ANK3: variants seen among roughly 807,000 people sequenced by gnomAD.
ANK3 encodes the protein ankyrin 3, also known as ankyrin-3.
In ANK3, 57 loss-of-function variants were observed where a neutral mutation model predicts 370.9. The observed-to-expected ratio is 0.15, with a 90% CI of 0.12 to 0.19. The LOEUF (loss-of-function observed/expected upper bound fraction) is 0.19, where lower values mean the gene tolerates loss of function less well. Among genes scored for constraint, ANK3 ranks in the 10% least tolerant of loss-of-function variants. The pLI, the probability that ANK3 is intolerant of heterozygous loss-of-function variation, is 1.00. For synonymous variants in ANK3, 1,929 were observed against 1,946.3 expected, an observed-to-expected ratio of 0.99 and a Z score of 0.23; for missense variants, 4,439 against 5,302.1, an observed-to-expected ratio of 0.84 and a Z score of 5.06.
At chr10:60,525,777 T>C (rs1481460082) in intron 2 of ANK3, among the ~76,000 whole-genome samples, 1 of 152,112 alleles carries the variant, frequency 6.6e-6, no homozygotes, top group Non-Finnish European at 1.5e-5. Flanking sequence ...ACATTATTCG[T>C]GTTATTGTGG....
At chr10:60,488,865 G>A (rs1052753763) in intron 2 of ANK3, among the ~76,000 whole-genome samples, 1 of 152,166 alleles carries the variant, frequency 6.6e-6, no homozygotes, top group African/African-American at 2.4e-5. Flanking sequence ...ATATGTTACT[G>A]GAGGATGTTA....
At chr10:60,046,764 G>A (rs2077032468) in intron 42 of ANK3, among the ~76,000 whole-genome samples, 2 of 151,664 alleles carry the variant, frequency 1.3e-5, no homozygotes, top group South Asian at 4.2e-4. Flanking sequence ...TGTTACCTAA[G>A]AGAGAGCTCT....
chr10:60,446,233 C>A (rs1372960957), intron 2 of ANK3, among the ~76,000 whole-genome samples: 2 of 152,070 alleles, frequency 1.3e-5, no homozygotes, highest in Admixed American at 6.6e-5. Flanking sequence ...TGAAAGAAAA[C>A]CTTCCCAGGA....
Position 60,070,015 on chromosome 10 carries a change from C to T in ANK3, c.10866G>A (p.Arg3622=). Residue 3622 remains arginine (R), a synonymous_variant, in exon 37 of 44, where the codon AGG becomes AGA. Coordinates refer to ENST00000280772, the MANE Select transcript of ANK3 (RefSeq NM_020987.5). The surrounding 1 kb of genome is among the most constrained non-coding windows in gnomAD (Gnocchi z 5.7). The part of the protein sequence containing the change: ...TRSGAIDMSK[R]DFVEERLQFF... The stretch of plus-strand genomic sequence containing the variant: ...ATTGGAGCCTCTCTTCAACAAAATC[C>T]CTCTTGCTCATGTCAATTGCACCAC... The T allele has an allele frequency of 6.2e-7, 1 of 1,614,090 alleles. No individual in the cohort carries two copies. Among genetic ancestry groups the T allele is most frequent in the Non-Finnish European group, 8.5e-7 (1 of 1,179,998 alleles).
intron 2 of ANK3, among the ~76,000 whole-genome samples, chr10:60,505,174 CT>C (rs1455075529): frequency 6.6e-6 from 1 of 152,052 alleles, no homozygotes; most frequent in Non-Finnish European, 1.5e-5. Flanking sequence ...ATTGTCTCCA[CT>C]TTTGTGCGTG....
At chr10:60,532,849 G>T (rs1327181042) in intron 2 of ANK3, among the ~76,000 whole-genome samples, 1 of 152,032 alleles carries the variant, frequency 6.6e-6, no homozygotes, top group African/African-American at 2.4e-5. Context: ...TTTGAGCTGA[G>T]CAAGTTCTGC....
intron 2 of ANK3, among the ~76,000 whole-genome samples, chr10:60,412,719 T>C (rs954907239): frequency 6.6e-6 from 1 of 152,244 alleles, no homozygotes; most frequent in Non-Finnish European, 1.5e-5. Flanking sequence ...TAATTTTCAC[T>C]ATGGTAGCCC....
chr10:60,053,595 C>G, intron 42 of ANK3: 1 of 1,125,258 alleles, frequency 8.9e-7, no homozygotes, highest in African/African-American at 1.6e-5. Context: ...AAGGGGAAAA[C>G]AAGGAAACCA....
chr10:60,552,409 A>C (rs566142344), intron 2 of ANK3, among the ~76,000 whole-genome samples: 2 of 152,344 alleles, frequency 1.3e-5, no homozygotes, highest in African/African-American at 4.8e-5. Context: ...GATTTCAACA[A>C]AATACTTTTA....
chr10:60,400,795 C>T (rs1238294506), intron 2 of ANK3, among the ~76,000 whole-genome samples: 1 of 152,016 alleles, frequency 6.6e-6, no homozygotes, highest in African/African-American at 2.4e-5. Context: ...GTTTGCTGCA[C>T]CTATCAACCC....
At chr10:60,421,332 T>G (rs1026847092) in intron 2 of ANK3, among the ~76,000 whole-genome samples, 2 of 152,032 alleles carry the variant, frequency 1.3e-5, no homozygotes, top group African/African-American at 4.8e-5. Flanking sequence ...CAAATTTTGT[T>G]ATACATCTTT....
chr10:60,588,161 T>TTATTATTAC (rs1253601969), intron 2 of ANK3, among the ~76,000 whole-genome samples: 2 of 10,522 alleles, frequency 1.9e-4, no homozygotes, highest in African/African-American at 4.9e-4. Flanking sequence ...TTCTCAGTTT[T>TTATTATTAC]TATTATTATT....
At chr10:60,152,445 G>C (rs913676748) in intron 23 of ANK3, among the ~76,000 whole-genome samples, 3 of 150,404 alleles carry the variant, frequency 2.0e-5, no homozygotes, top group African/African-American at 7.3e-5. Flanking sequence ...GCTGACTCTT[G>C]AAATTAATGA....
intron 1 of ANK3, among the ~76,000 whole-genome samples, chr10:60,717,684 A>C (rs2079808919): frequency 6.6e-6 from 1 of 152,246 alleles, no homozygotes; most frequent in African/African-American, 2.4e-5. Context: ...AACAAAATCA[A>C]GTAATGAAAA....
At chr10:60,611,753 A>C (rs1163169525) in intron 2 of ANK3, among the ~76,000 whole-genome samples, 1 of 151,202 alleles carries the variant, frequency 6.6e-6, no homozygotes, top group East Asian at 1.9e-4. Flanking sequence ...ATAGATGTCA[A>C]GTCACATTTA....
chr10:60,044,759 T>C (rs1417418119), intron 42 of ANK3: 1 of 152,186 alleles, frequency 6.6e-6, no homozygotes, highest in Non-Finnish European at 1.5e-5. Context: ...TTGAGTTTTA[T>C]CTAACTTGAA....
At chr10:60,696,777 C>A (rs1188957365) in intron 1 of ANK3, among the ~76,000 whole-genome samples, 2 of 145,238 alleles carry the variant, frequency 1.4e-5, no homozygotes, top group Non-Finnish European at 3.0e-5. Flanking sequence ...CTATCTATGA[C>A]AAACCCACAG....
chr10:60,171,369 A>G (rs1240679087), intron 21 of ANK3, among the ~76,000 whole-genome samples: 1 of 152,248 alleles, frequency 6.6e-6, no homozygotes, highest in Non-Finnish European at 1.5e-5. Context: ...CTCAAACTGC[A>G]GGTAGTTACA....
At chr10:60,631,403 G>C (rs1323856456) in intron 1 of ANK3, among the ~76,000 whole-genome samples, 18 of 151,928 alleles carry the variant, frequency 1.2e-4, no homozygotes, top group African/African-American at 3.6e-4. Context: ...ATGGAGGTGC[G>C]TGCCTCTAGT....
Sources: gnomAD v4.1 joint callset for allele counts (sites outside exome capture counted in the v4.1 genomes callset) on GRCh38, gnomAD v4.1.1 for gene constraint, Gnocchi (gnomAD v3.1) non-coding constraint, MANE v1.5 for transcripts, NCBI Gene and HGNC (gene_info 2026-07-23, HGNC 2026-07-21) for gene names.